CBX1: variants seen among roughly 807,000 people sequenced by gnomAD.
CBX1 encodes the protein chromobox 1.
CBX1 carries 10 observed loss-of-function variants against 25.1 expected under a neutral mutation model. The ratio of observed to expected loss-of-function variants is 0.40; its 90% CI spans 0.25 to 0.68. CBX1 has a LOEUF of 0.68. Among genes scored for constraint, CBX1 ranks in the 30% least tolerant of loss-of-function variants. The pLI, the probability that CBX1 is intolerant of heterozygous loss-of-function variation, is 0.40. For missense variants in CBX1, 106 were observed against 218.5 expected, an observed-to-expected ratio of 0.49 and a Z score of 3.25; for synonymous variants, 63 against 79.4, an observed-to-expected ratio of 0.79 and a Z score of 1.10.
At position 48,077,444 on chromosome 17, in the gene CBX1, TG is replaced by T. The variant is rs1230908408; in HGVS notation, c.-37-404del. ...AGCTAATTTTTGTTGTTTTTTTTTT[TG>T]TTTTTTTTGTTTTTTTTTTTTTAGT... On this transcript the variant is annotated intron_variant, in intron 1 of 4. Transcript: ENST00000225603. 8.7e-4 allele frequency among the ~76,000 whole-genome samples: 32 copies of T among 36,874 alleles called. 2 individuals carry two copies. Among genetic ancestry groups the T allele is most frequent in the East Asian group, 3.4e-3 (1 of 290 alleles). 24.2% of individuals were successfully genotyped at this position (36,874 alleles called of 152,430 possible). A position where few individuals can be genotyped will look rare whatever the true frequency, so the allele number is the denominator to read the frequency against.
chr17:48,097,779 CA>C (rs1186183310), intron 1 of CBX1, among the ~76,000 whole-genome samples: 2 of 152,090 alleles, frequency 1.3e-5, no homozygotes, highest in African/African-American at 4.8e-5. Context: ...TTATTCTATG[CA>C]AATATTGACA....
intron 1 of CBX1, among the ~76,000 whole-genome samples, chr17:48,087,585 A>T (rs2107308): frequency 0.23 from 34,315 of 151,688 alleles, 4,167 homozygotes; most frequent in South Asian, 0.33. Context: ...AAAAAAATTT[A>T]AAAAAAGGCT....
rs377046234 is a variant in CBX1 at position 48,091,690 on chromosome 17, C to T, written c.-38+9578G>A. On this transcript the variant is annotated intron_variant, in intron 1 of 4. Coordinates refer to ENST00000225603, the MANE Select transcript of CBX1 (RefSeq NM_001127228.2). ...CCAAATAGCTGGAATTACAAGCACG[C>T]GCCACCATGCCCAGCTAATTTTTTG... is the stretch of plus-strand genomic sequence containing the variant. Among the ~76,000 whole-genome samples, 210 of 152,194 alleles carry T rather than the reference C, an allele frequency of 1.4e-3. 1 individual carries two copies. Among genetic ancestry groups the T allele is most frequent in the East Asian group, 4.1e-3 (21 of 5,180 alleles).
Position 48,073,824 on chromosome 17 carries a change from CAAAAAAAAA to C in CBX1, c.413+1173_413+1181del, listed in dbSNP as rs60857566. ...CCTGGGCGAAAGAGTGAGACTGTCT[CAAAAAAAAA>C]AAAAAAAAAAAAGACAGTAGTGAGT... On this transcript the variant is annotated intron_variant, in intron 4 of 4. Transcript: ENST00000225603. Among the ~76,000 whole-genome samples the C allele has an allele frequency of 3.2e-4, 26 of 82,484 alleles. 1 individual carries two copies. The highest frequency in any genetic ancestry group is 5.1e-4 in the Admixed American group (4 of 7,918). 54.1% of individuals were successfully genotyped at this position (82,484 alleles called of 152,430 possible).
intron 1 of CBX1, among the ~76,000 whole-genome samples, chr17:48,094,738 GAAAAAAA>G (rs35959502): frequency 8.4e-6 from 1 of 119,338 alleles, no homozygotes. Flanking sequence ...TGTCTCAAAG[GAAAAAAA>G]AAAAAAAAAA....
chr17:48,099,374 G>A (rs187471886), intron 1 of CBX1, among the ~76,000 whole-genome samples: 49 of 152,200 alleles, frequency 3.2e-4, no homozygotes, highest in African/African-American at 1.1e-3. Flanking sequence ...AAAGTGCTGG[G>A]ATGACAGGCT....
Position 48,076,011 on chromosome 17 carries a change from T to C in CBX1, c.308A>G (p.Lys103Arg), listed in dbSNP as rs1216626997. The change falls in exon 3 of 5, where the codon AAG becomes AGG. Residue 103 changes from lysine to arginine, a missense_variant. Physicochemically the swap from Lys to Arg is conservative, Grantham distance 26. This residue lies in a region of CBX1 where 71 missense variants were observed against 144.1 expected (regional missense o/e 0.49). Coordinates refer to ENST00000225603, the MANE Select transcript of CBX1 (RefSeq NM_001127228.2). ...TACTTCTATTCTTACCTCTTCTTTC[T>C]TCTTCTTTGGTTTGCTCTCCTCTCC... Reference protein sequence around the residue: ...DKGEESKPKKKKEESEKPRGF... With the variant: ...DKGEESKPKKRKEESEKPRGF... 1.2e-6 allele frequency: 2 copies of C among 1,601,296 alleles called. No homozygotes were observed. Among genetic ancestry groups the C allele is most frequent in the East Asian group, 4.5e-5 (2 of 44,648 alleles).
chr17:48,100,858 G>C (rs1213680721), intron 1 of CBX1: 4 of 985,618 alleles, frequency 4.1e-6, no homozygotes, highest in Non-Finnish European at 4.8e-6. Flanking sequence ...GGCGTCTTCC[G>C]AATACAGTTA....
At chr17:48,093,255 A>G (rs2063354377) in intron 1 of CBX1, among the ~76,000 whole-genome samples, 1 of 151,198 alleles carries the variant, frequency 6.6e-6, no homozygotes, top group South Asian at 2.1e-4. Flanking sequence ...AGCCTGGGCA[A>G]TAGAGCGAGA....
chr17:48,093,070 CAAAA>C (rs748778471), intron 1 of CBX1, among the ~76,000 whole-genome samples: 205 of 8,740 alleles, frequency 0.023, 4 homozygotes, highest in African/African-American at 0.046. Flanking sequence ...AACTCTGTCT[CAAAA>C]AAAAAAAAAA....
intron 1 of CBX1, among the ~76,000 whole-genome samples, chr17:48,092,464 CTCTCTT>C: frequency 6.8e-6 from 1 of 147,550 alleles, no homozygotes; most frequent in Non-Finnish European, 1.5e-5. Flanking sequence ...CTCTCTCTCT[CTCTCTT>C]TTTTTTTTTG....
rs556939982 is a variant in CBX1 at position 48,087,762 on chromosome 17, C to T, written c.-37-10721G>A. On this transcript the variant is annotated intron_variant, in intron 1 of 4. Coordinates refer to ENST00000225603, the MANE Select transcript of CBX1 (RefSeq NM_001127228.2). The stretch of plus-strand genomic sequence containing the variant: ...TGGCACACGCATGTAGTCCTAGCTA[C>T]TTGGGAGGCTGAGGCAGGAGAATCA... 5.8e-3 allele frequency among the ~76,000 whole-genome samples: 876 copies of T among 150,980 alleles called. 7 individuals carry two copies. The highest frequency in any genetic ancestry group is 0.01 in the Non-Finnish European group (704 of 67,876).
intron 1 of CBX1, among the ~76,000 whole-genome samples, chr17:48,077,430 GTTGTTTTTTTTT>G (rs1298166198): frequency 1.8e-5 from 1 of 56,456 alleles, no homozygotes; most frequent in Non-Finnish European, 3.3e-5. Context: ...GCTAATTTTT[GTTGTTTTTTTTT>G]TTGTTTTTTT....
At chr17:48,098,495 T>A (rs2063388575) in intron 1 of CBX1, among the ~76,000 whole-genome samples, 1 of 152,100 alleles carries the variant, frequency 6.6e-6, no homozygotes, top group African/African-American at 2.4e-5. Context: ...GCGTCCCCAT[T>A]TTTTCATTTT....
intron 1 of CBX1, among the ~76,000 whole-genome samples, chr17:48,085,561 T>TA (rs57913052): frequency 0.28 from 42,312 of 149,154 alleles, 6,743 homozygotes; most frequent in African/African-American, 0.46. Context: ...ATGGCTCTGT[T>TA]AAAAAAAAAA....
intron 1 of CBX1, among the ~76,000 whole-genome samples, chr17:48,093,743 C>T (rs1438979059): frequency 6.6e-6 from 1 of 152,228 alleles, no homozygotes; most frequent in Non-Finnish European, 1.5e-5. Context: ...AATCTACATT[C>T]CTGTCAAAGA....
At position 48,092,570 on chromosome 17, in the gene CBX1, C is replaced by T. The variant is rs374170259; in HGVS notation, c.-38+8698G>A. Among the ~76,000 whole-genome samples the T allele has an allele frequency of 5.9e-5, 9 of 151,700 alleles. No homozygotes were observed. The East Asian group carries it at 6.1e-4, about 10-fold the overall frequency. On this transcript the variant is annotated intron_variant, in intron 1 of 4. Transcript: ENST00000225603. ...CCGGGTTCAAGGGATTCTCCTGCCT[C>T]AGCCTCCTGAGTAACTGGGATTACA...
At position 48,070,105 on chromosome 17, in the gene CBX1, G is replaced by C. The variant is rs1319809279; in HGVS notation, c.*1330C>G. ...AAGACAAAAACTGACAATGTAGTATGAAGTTTACATTTAAACAAAGTTTAC... is the reference window on the plus strand; with the variant it reads ...AAGACAAAAACTGACAATGTAGTATCAAGTTTACATTTAAACAAAGTTTAC... On this transcript the variant is annotated 3_prime_UTR_variant, in exon 5 of 5. Transcript: ENST00000225603. 1 of 152,646 alleles carries C rather than the reference G, an allele frequency of 6.6e-6. No homozygotes were observed. The highest frequency in any genetic ancestry group is 1.5e-5 in the Non-Finnish European group (1 of 68,044). 9.5% of individuals were successfully genotyped at this position (152,646 alleles called of 1,614,324 possible).
At chr17:48,077,788 C>A (rs1277049115) in intron 1 of CBX1, among the ~76,000 whole-genome samples, 1 of 152,012 alleles carries the variant, frequency 6.6e-6, no homozygotes, top group Non-Finnish European at 1.5e-5. Context: ...GTGTGACCAG[C>A]CTAGGCAACA....
Sources: gnomAD v4.1 joint callset for allele counts (sites outside exome capture counted in the v4.1 genomes callset) on GRCh38, gnomAD v4.1.1 for gene constraint, gnomAD v4.1.1 regional missense constraint, MANE v1.5 for transcripts, NCBI Gene and HGNC (gene_info 2026-07-23, HGNC 2026-07-21) for gene names.